The following NRG1 variants were observed in gnomAD, a reference collection of about 807,000 sequenced individuals.
The protein encoded by NRG1 is neuregulin 1.
In NRG1, 18 loss-of-function variants were observed where a neutral mutation model predicts 63.8. That is an observed-to-expected ratio of 0.28 (90% CI 0.19 to 0.42). NRG1 has a LOEUF of 0.42. Among genes scored for constraint, NRG1 ranks in the 10% least tolerant of loss-of-function variants. The probability of loss-of-function intolerance (pLI) is 1.00; values close to 1 mark genes in which losing one functional copy is unlikely to be tolerated. For missense variants in NRG1, 762 were observed against 814.7 expected (o/e 0.94, Z 0.79); for synonymous variants, 302 against 301.3 (o/e 1.00, Z -0.02).
chr8:32,750,363 T>C (rs1173049653), intron 7 of NRG1, among the ~76,000 whole-genome samples: 1 of 152,146 alleles, frequency 6.6e-6, no homozygotes, highest in Admixed American at 6.6e-5. Flanking sequence ...TTGTAAGGCC[T>C]TCATCCTACA....
At chr8:32,718,888 CATT>C (rs1173672592) in intron 5 of NRG1, among the ~76,000 whole-genome samples, 4 of 152,136 alleles carry the variant, frequency 2.6e-5, no homozygotes, top group Non-Finnish European at 5.9e-5. Flanking sequence ...AATATGATCA[CATT>C]ATTTCACTGG....
At chr8:31,948,045 G>A (rs1463661243) in intron 1 of NRG1, among the ~76,000 whole-genome samples, 1 of 150,600 alleles carries the variant, frequency 6.6e-6, no homozygotes, top group African/African-American at 2.4e-5. Context: ...TTATAAAGGT[G>A]TAGAAGATTT....
chr8:32,637,827 T>C (rs1349313050), intron 5 of NRG1, among the ~76,000 whole-genome samples: 2 of 152,138 alleles, frequency 1.3e-5, no homozygotes, highest in African/African-American at 4.8e-5. Context: ...TGCTGTTTAA[T>C]AACAGAGTCC....
intron 3 of NRG1, among the ~76,000 whole-genome samples, chr8:32,610,130 T>C (rs1846118570): frequency 6.6e-6 from 1 of 152,210 alleles, no homozygotes; most frequent in Non-Finnish European, 1.5e-5. Context: ...TTTCACCTTT[T>C]CTATGTATTT....
At chr8:32,122,848 C>T (rs1047916968) in intron 1 of NRG1, among the ~76,000 whole-genome samples, 2 of 148,836 alleles carry the variant, frequency 1.3e-5, no homozygotes, top group African/African-American at 4.9e-5. Context: ...TTGTTCAATT[C>T]CCACCTGTGA....
At chr8:32,648,016 T>A (rs1225038770) in intron 5 of NRG1, 3 of 1,614,064 alleles carry the variant, frequency 1.9e-6, no homozygotes, top group Admixed American at 1.7e-5. Context: ...TGGGTATTTG[T>A]GGACAAGATC....
chr8:31,731,558 G>A lies in NRG1; in HGVS notation c.37+92127G>A, dbSNP rs143001928. On this transcript the variant is annotated intron_variant, in intron 1 of 10. Coordinates refer to the NRG1 transcript ENST00000519301. ...ACTTTTGGTCATACAGGATGTCTCT[G>A]TTTTTTGAAATACATTTTTCAATAG... Among the ~76,000 whole-genome samples the A allele has an allele frequency of 3.8e-3, 583 of 151,974 alleles. 1 individual carries two copies. The highest frequency in any genetic ancestry group is 0.019 in the South Asian group (91 of 4,814).
chr8:31,645,539 T>C (rs757480795), intron 1 of NRG1, among the ~76,000 whole-genome samples: 21 of 152,180 alleles, frequency 1.4e-4, no homozygotes, highest in Non-Finnish European at 2.5e-4. Flanking sequence ...TTTGGTGAAG[T>C]TGAAGGTTAA....
At chr8:31,953,132 G>A (rs449951) in intron 1 of NRG1, among the ~76,000 whole-genome samples, 1 of 151,902 alleles carries the variant, frequency 6.6e-6, no homozygotes, top group South Asian at 2.1e-4. Context: ...AGATTCAATA[G>A]GAAACACAGC....
At chr8:32,488,049 A>G (rs1449560628) in intron 1 of NRG1, among the ~76,000 whole-genome samples, 1 of 152,154 alleles carries the variant, frequency 6.6e-6, no homozygotes, top group East Asian at 1.9e-4. Context: ...CCCTGAATGA[A>G]AGGCATCCTG....
intron 1 of NRG1, among the ~76,000 whole-genome samples, chr8:31,834,296 C>CACACAT (rs1554546960): frequency 3.0e-5 from 3 of 101,636 alleles, no homozygotes; most frequent in African/African-American, 1.1e-4. Context: ...CATGCGTGTG[C>CACACAT]GCGCACGCGC....
At position 31,936,673 on chromosome 8, in the gene NRG1, G is replaced by A. The variant is rs1316239216; in HGVS notation, c.37+297242G>A. On this transcript the variant is annotated intron_variant, in intron 1 of 10. Transcript: ENST00000519301. The stretch of plus-strand genomic sequence containing the variant: ...CAGATAAATGGACTCCAAATTTGAG[G>A]CCTGAGTAATAATGCATTTTAGGAT... Among the ~76,000 whole-genome samples, 3 of 152,274 alleles carry A rather than the reference G, an allele frequency of 2.0e-5. No individual in the cohort carries two copies. In the South Asian group the frequency reaches 6.2e-4, roughly 32 times the overall value.
chr8:32,100,681 T>G (rs2131355131), intron 1 of NRG1, among the ~76,000 whole-genome samples: 1 of 152,308 alleles, frequency 6.6e-6, no homozygotes, highest in Middle Eastern at 3.4e-3. Context: ...TTTTATTTTC[T>G]AATGACAATG....
chr8:32,270,226 A>G (rs956371937), intron 1 of NRG1, among the ~76,000 whole-genome samples: 5 of 152,202 alleles, frequency 3.3e-5, no homozygotes, highest in Admixed American at 6.6e-5. Flanking sequence ...TGTTAGCAAT[A>G]TGTCATGTGG....
At chr8:32,573,570 C>T (rs973149971) in intron 1 of NRG1, among the ~76,000 whole-genome samples, 7 of 152,080 alleles carry the variant, frequency 4.6e-5, no homozygotes, top group African/African-American at 1.7e-4. Context: ...CCAGTTCTGT[C>T]TTTTCATTAG....
intron 1 of NRG1, among the ~76,000 whole-genome samples, chr8:32,128,041 A>G (rs1185822638): frequency 6.6e-6 from 1 of 151,994 alleles, no homozygotes; most frequent in African/African-American, 2.4e-5. Flanking sequence ...AAATGTAATG[A>G]CACAATAAGA....
intron 1 of NRG1, among the ~76,000 whole-genome samples, chr8:32,222,509 T>C (rs1563923997): frequency 6.6e-6 from 1 of 152,150 alleles, no homozygotes; most frequent in Non-Finnish European, 1.5e-5. Flanking sequence ...GAAAGAAACA[T>C]AAAGAAATCT....
intron 1 of NRG1, among the ~76,000 whole-genome samples, chr8:32,152,925 A>G (rs755813067): frequency 4.6e-5 from 7 of 152,178 alleles, no homozygotes; most frequent in Non-Finnish European, 8.8e-5. Flanking sequence ...TTGTCCAGGA[A>G]CTCAAGTTTA....
chr8:31,961,174 G>A (rs1805393669), intron 1 of NRG1, among the ~76,000 whole-genome samples: 1 of 152,138 alleles, frequency 6.6e-6, no homozygotes, highest in Admixed American at 6.5e-5. Context: ...TGCAGACTTC[G>A]CTTTGGAAGT....
Sources: allele counts gnomAD v4.1 joint callset (sites outside exome capture counted in the v4.1 genomes callset), GRCh38; gene constraint gnomAD v4.1.1; transcripts MANE v1.5; gene names NCBI Gene and HGNC (gene_info 2026-07-23, HGNC 2026-07-21).